The following PPM1L variants were observed in gnomAD, a reference collection of about 807,000 sequenced individuals.
PPM1L encodes the protein protein phosphatase, Mg2+/Mn2+ dependent 1L.
Under a neutral mutation model 31.4 loss-of-function variants are expected in PPM1L, and 13 were observed. The ratio of observed to expected loss-of-function variants is 0.41; its 90% CI spans 0.27 to 0.66. PPM1L has a LOEUF of 0.66. PPM1L is among the 30% of genes least tolerant of loss of function. The probability of loss-of-function intolerance (pLI) is 0.29; values close to 1 mark genes in which losing one functional copy is unlikely to be tolerated. For synonymous variants in PPM1L, 184 were observed against 175.4 expected (o/e 1.05, Z -0.39); for missense variants, 326 against 453.7 (o/e 0.72, Z 2.56).
At chr3:160,824,973 T>G (rs1294858913) in intron 1 of PPM1L, among the ~76,000 whole-genome samples, 1 of 152,118 alleles carries the variant, frequency 6.6e-6, no homozygotes, top group Non-Finnish European at 1.5e-5. Context: ...AATTTGACTT[T>G]CCTTAATTTG....
chr3:160,926,536 C>A (rs563472133), intron 1 of PPM1L, among the ~76,000 whole-genome samples: 41 of 152,176 alleles, frequency 2.7e-4, no homozygotes, highest in Non-Finnish European at 5.1e-4. Flanking sequence ...CTTCTTAGAA[C>A]CTCCCCCCCT....
At chr3:160,904,222 G>A (rs1322327952) in intron 1 of PPM1L, among the ~76,000 whole-genome samples, 1 of 152,098 alleles carries the variant, frequency 6.6e-6, no homozygotes, top group African/African-American at 2.4e-5. Flanking sequence ...TGCAGGTTTT[G>A]CGATTTTACT....
chr3:161,007,314 A>G (rs1347085267), intron 2 of PPM1L, among the ~76,000 whole-genome samples: 1 of 152,238 alleles, frequency 6.6e-6, no homozygotes, highest in African/African-American at 2.4e-5. Context: ...GTAAGCTGAT[A>G]ACTTGAGTAA....
chr3:160,977,850 T>G (rs1716650826), intron 2 of PPM1L, among the ~76,000 whole-genome samples: 1 of 152,324 alleles, frequency 6.6e-6, no homozygotes, highest in Admixed American at 6.5e-5. Context: ...TCTCACTGTT[T>G]TAATAGATAA....
intron 1 of PPM1L, among the ~76,000 whole-genome samples, chr3:160,784,810 G>C (rs940427129): frequency 2.0e-5 from 3 of 152,184 alleles, no homozygotes; most frequent in African/African-American, 7.2e-5. Flanking sequence ...TAGTTGAAAG[G>C]AAAGTACTTT....
rs561757434 is a variant in PPM1L at position 160,953,766 on chromosome 3, G to C, written c.400-7970G>C. ...GATATTCCCTAAAATATGGAGAGATGAATAGTTTTCAGGCTTACTGTTAAA... is the reference window on the plus strand; with the variant it reads ...GATATTCCCTAAAATATGGAGAGATCAATAGTTTTCAGGCTTACTGTTAAA... On this transcript the variant is annotated intron_variant, in intron 1 of 3. Coordinates refer to ENST00000498165, the MANE Select transcript of PPM1L (RefSeq NM_139245.4). 3.3e-5 allele frequency among the ~76,000 whole-genome samples: 5 copies of C among 152,282 alleles called. No individual in the cohort carries two copies. In the South Asian group the frequency reaches 1.0e-3, roughly 32 times the overall value.
intron 1 of PPM1L, among the ~76,000 whole-genome samples, chr3:160,760,268 A>G (rs1714933759): frequency 6.6e-6 from 1 of 152,226 alleles, no homozygotes; most frequent in Non-Finnish European, 1.5e-5. Context: ...TGATTAATTA[A>G]GAAATTGGTA....
At chr3:161,036,820 T>C (rs544595018) in intron 2 of PPM1L, among the ~76,000 whole-genome samples, 8 of 152,220 alleles carry the variant, frequency 5.3e-5, no homozygotes, top group Non-Finnish European at 1.0e-4. Context: ...TTTAAGGGAC[T>C]CCCATTAAGG....
chr3:160,815,954 A>G (rs1712981745), intron 1 of PPM1L, among the ~76,000 whole-genome samples: 1 of 152,126 alleles, frequency 6.6e-6, no homozygotes, highest in African/African-American at 2.4e-5. Flanking sequence ...CCAGAAACTG[A>G]AAGGAAGAGG....
At chr3:161,013,199 G>A (rs1366037440) in intron 2 of PPM1L, among the ~76,000 whole-genome samples, 1 of 152,148 alleles carries the variant, frequency 6.6e-6, no homozygotes, top group Non-Finnish European at 1.5e-5. Flanking sequence ...TTTTAAATAT[G>A]TCCCAGAGAT....
chr3:160,836,703 T>C (rs1317048989), intron 1 of PPM1L, among the ~76,000 whole-genome samples: 1 of 152,216 alleles, frequency 6.6e-6, no homozygotes, highest in Non-Finnish European at 1.5e-5. Flanking sequence ...TTTCTGTGTT[T>C]TCTGAGTGGA....
At chr3:160,797,001 A>T (rs1057326051) in intron 1 of PPM1L, among the ~76,000 whole-genome samples, 1 of 152,172 alleles carries the variant, frequency 6.6e-6, no homozygotes, top group South Asian at 2.1e-4. Flanking sequence ...TCAGCACTCC[A>T]AGTACAGGTA....
At chr3:160,832,824 A>G (rs528266525) in intron 1 of PPM1L, among the ~76,000 whole-genome samples, 9 of 152,128 alleles carry the variant, frequency 5.9e-5, no homozygotes, top group African/African-American at 2.2e-4. Flanking sequence ...TACATATGTA[A>G]ATGTGTGTCA....
At chr3:160,878,567 T>G (rs1712596065) in intron 1 of PPM1L, among the ~76,000 whole-genome samples, 1 of 152,216 alleles carries the variant, frequency 6.6e-6, no homozygotes, top group South Asian at 2.1e-4. Flanking sequence ...TGACCTCATC[T>G]AAACCTACTT....
At chr3:160,811,733 C>T (rs1031547781) in intron 1 of PPM1L, among the ~76,000 whole-genome samples, 1 of 152,108 alleles carries the variant, frequency 6.6e-6, no homozygotes, top group Non-Finnish European at 1.5e-5. Flanking sequence ...TAGAGAACCT[C>T]AGGAAAGTAA....
chr3:160,953,612 A>G (rs1313793865), intron 1 of PPM1L, among the ~76,000 whole-genome samples: 1 of 152,138 alleles, frequency 6.6e-6, no homozygotes, highest in Non-Finnish European at 1.5e-5. Context: ...TGGCGGTTCT[A>G]TTAGAATTTA....
In PPM1L at chr3:161,070,862, A is replaced by G. The variant is rs1332430969; in HGVS notation, c.*1705A>G. The G allele has an allele frequency of 6.6e-6, 1 of 152,152 alleles. No homozygotes were observed. Among genetic ancestry groups the G allele is most frequent in the Non-Finnish European group, 1.5e-5 (1 of 68,030 alleles). 9.4% of individuals were successfully genotyped at this position (152,152 alleles called of 1,614,324 possible). A position where few individuals can be genotyped will look rare whatever the true frequency, so the allele number is the denominator to read the frequency against. On this transcript the variant is annotated 3_prime_UTR_variant, in exon 4 of 4. Coordinates refer to ENST00000498165, the MANE Select transcript of PPM1L (RefSeq NM_139245.4). Reference sequence around the variant, plus strand: ...TGCCTTGTAGATGTGGAGGGCTGCAATCTGTCTTGATTTCTCCAAGCACTT... The same window carrying G: ...TGCCTTGTAGATGTGGAGGGCTGCAGTCTGTCTTGATTTCTCCAAGCACTT...
intron 2 of PPM1L, among the ~76,000 whole-genome samples, chr3:161,001,524 G>T (rs756325201): frequency 1.1e-4 from 17 of 151,856 alleles, no homozygotes; most frequent in Non-Finnish European, 2.4e-4. Flanking sequence ...CAAGTAATTC[G>T]CCCCCCAAAG....
chr3:161,041,772 AAC>A (rs980119111), intron 2 of PPM1L, among the ~76,000 whole-genome samples: 1 of 151,882 alleles, frequency 6.6e-6, no homozygotes, highest in Admixed American at 6.6e-5. Flanking sequence ...CAAAACAAAA[AAC>A]ACACACACAA....
Sources: allele counts gnomAD v4.1 joint callset (sites outside exome capture counted in the v4.1 genomes callset), GRCh38; gene constraint gnomAD v4.1.1; transcripts MANE v1.5; gene names NCBI Gene and HGNC (gene_info 2026-07-23, HGNC 2026-07-21).